NRXN3: variants seen among roughly 807,000 people sequenced by gnomAD.
NRXN3 encodes neurexin III.
In NRXN3, 32 loss-of-function variants were observed where a neutral mutation model predicts 137.6. The observed-to-expected ratio is 0.23, with a 90% CI of 0.18 to 0.31. NRXN3 has a LOEUF of 0.31. Among genes scored for constraint, NRXN3 ranks in the 10% least tolerant of loss-of-function variants. The pLI, the probability that NRXN3 is intolerant of heterozygous loss-of-function variation, is 1.00. For synonymous variants in NRXN3, 798 were observed against 784.5 expected (o/e 1.02, Z -0.29); for missense variants, 1,574 against 2,062.5 (o/e 0.76, Z 4.59).
At chr14:79,409,644 T>G (rs2095382608) in intron 15 of NRXN3, among the ~76,000 whole-genome samples, 2 of 140,202 alleles carry the variant, frequency 1.4e-5, no homozygotes, top group African/African-American at 2.6e-5. Context: ...TATATATATA[T>G]CCTCAAAATT....
At chr14:78,541,202 A>C (rs759113088) in intron 4 of NRXN3, among the ~76,000 whole-genome samples, 13 of 152,328 alleles carry the variant, frequency 8.5e-5, no homozygotes, top group Non-Finnish European at 1.9e-4. Context: ...AATATCCTGA[A>C]GAGTGTTTTC....
intron 20 of NRXN3, among the ~76,000 whole-genome samples, chr14:79,812,239 G>T (rs945813821): frequency 3.3e-5 from 5 of 152,130 alleles, no homozygotes; most frequent in Non-Finnish European, 7.4e-5. Flanking sequence ...ACTTCTATCT[G>T]AAAGTTTGAT....
At chr14:78,723,393 A>G (rs1044246242) in intron 8 of NRXN3, among the ~76,000 whole-genome samples, 1 of 152,230 alleles carries the variant, frequency 6.6e-6, no homozygotes, top group African/African-American at 2.4e-5. Context: ...ACACACAGCT[A>G]AAGAATAGCT....
intron 15 of NRXN3, among the ~76,000 whole-genome samples, chr14:79,348,439 G>A (rs1300056419): frequency 6.7e-6 from 1 of 150,098 alleles, no homozygotes; most frequent in Non-Finnish European, 1.5e-5. Flanking sequence ...GCAGTGGCGC[G>A]ATCTCTGCCC....
At chr14:78,409,158 C>T (rs1298222655) in intron 4 of NRXN3, among the ~76,000 whole-genome samples, 3 of 152,212 alleles carry the variant, frequency 2.0e-5, no homozygotes, top group Admixed American at 6.5e-5. Flanking sequence ...CATTTCCTAC[C>T]AAGGAGCTCA....
At chr14:78,517,708 T>C (rs564500514) in intron 4 of NRXN3, among the ~76,000 whole-genome samples, 1 of 152,300 alleles carries the variant, frequency 6.6e-6, no homozygotes, top group East Asian at 1.9e-4. Flanking sequence ...TTCAATTCAA[T>C]TATTCCAAAG....
chr14:79,765,630 G>C (rs1279833753), intron 19 of NRXN3, among the ~76,000 whole-genome samples: 4 of 152,252 alleles, frequency 2.6e-5, no homozygotes, highest in South Asian at 2.1e-4. Context: ...TCATCACCCT[G>C]TCTCTCATTC....
chr14:78,935,620 G>A (rs1413463347), intron 10 of NRXN3, among the ~76,000 whole-genome samples: 3 of 152,146 alleles, frequency 2.0e-5, no homozygotes, highest in Admixed American at 2.0e-4. Flanking sequence ...TAGTACAGAG[G>A]CAAGGTTTTG....
chr14:79,788,674 A>T (rs2099136467), intron 19 of NRXN3, among the ~76,000 whole-genome samples: 1 of 152,208 alleles, frequency 6.6e-6, no homozygotes, highest in South Asian at 2.1e-4. Flanking sequence ...CCCTTGATAT[A>T]GTTGCCTCTA....
chr14:79,659,771 C>A (rs2098524272), intron 16 of NRXN3, among the ~76,000 whole-genome samples: 1 of 152,098 alleles, frequency 6.6e-6, no homozygotes, highest in Admixed American at 6.6e-5. Flanking sequence ...GTAAAATAAC[C>A]AGACCAGGGT....
Position 79,409,621 on chromosome 14 carries a change from A to G in NRXN3, c.3263-57600A>G, listed in dbSNP as rs200275775. Among the ~76,000 whole-genome samples the G allele has an allele frequency of 3.0e-5, 4 of 132,108 alleles. No individual in the cohort carries two copies. In the South Asian group the frequency reaches 7.2e-4, roughly 24 times the overall value. 86.7% of individuals were successfully genotyped at this position (132,108 alleles called of 152,430 possible). On this transcript the variant is annotated intron_variant, in intron 15 of 20. Transcript: ENST00000335750. ...AGTGTGTGTGTGTGTGTGTGTCTAT[A>G]TATATATATATATATATATATATCC...
chr14:79,154,153 A>G (rs1002376201), intron 15 of NRXN3, among the ~76,000 whole-genome samples: 4 of 151,938 alleles, frequency 2.6e-5, no homozygotes, highest in African/African-American at 9.7e-5. Context: ...GCCATTGTGT[A>G]TTGAGCACTG....
At chr14:79,061,496 G>A (rs1018246677) in intron 15 of NRXN3, among the ~76,000 whole-genome samples, 3 of 152,198 alleles carry the variant, frequency 2.0e-5, no homozygotes, top group African/African-American at 7.2e-5. Context: ...TGTGATAAGG[G>A]TGTGTAGTGA....
intron 16 of NRXN3, among the ~76,000 whole-genome samples, chr14:79,565,218 T>C (rs2097535424): frequency 6.8e-6 from 1 of 146,184 alleles, no homozygotes; most frequent in Non-Finnish European, 1.5e-5. Context: ...TGTATATATA[T>C]GTGTGTGTAT....
intron 19 of NRXN3, among the ~76,000 whole-genome samples, chr14:79,786,845 T>G (rs2099130886): frequency 6.6e-6 from 1 of 152,190 alleles, no homozygotes; most frequent in African/African-American, 2.4e-5. Flanking sequence ...CTGAAGTCAT[T>G]TTACAGGGCA....
At chr14:78,473,827 A>G (rs934652177) in intron 4 of NRXN3, among the ~76,000 whole-genome samples, 1 of 152,192 alleles carries the variant, frequency 6.6e-6, no homozygotes, top group African/African-American at 2.4e-5. Context: ...GTAGAAGACT[A>G]ATTCTGCATG....
intron 8 of NRXN3, among the ~76,000 whole-genome samples, chr14:78,749,777 GT>G (rs1051122078): frequency 2.6e-5 from 4 of 152,052 alleles, no homozygotes; most frequent in African/African-American, 9.7e-5. Flanking sequence ...CTCCAACTTT[GT>G]TTCTTTAGGC....
At chr14:78,492,723 ACATAGATAG>A (rs1431351052) in intron 4 of NRXN3, among the ~76,000 whole-genome samples, 1 of 152,194 alleles carries the variant, frequency 6.6e-6, no homozygotes, top group African/African-American at 2.4e-5. Flanking sequence ...TCATTAAGTA[ACATAGATAG>A]CAGGTAAGAA....
chr14:79,851,116 C>T (rs933764366), intron 20 of NRXN3, among the ~76,000 whole-genome samples: 30 of 152,092 alleles, frequency 2.0e-4, no homozygotes, highest in Admixed American at 1.6e-3. Flanking sequence ...GTATCTTTTT[C>T]GAAATGCCTC....
Sources: allele counts gnomAD v4.1 joint callset (sites outside exome capture counted in the v4.1 genomes callset), GRCh38; gene constraint gnomAD v4.1.1; transcripts MANE v1.5; gene names NCBI Gene and HGNC (gene_info 2026-07-23, HGNC 2026-07-21).